MTMR7: variants seen among roughly 807,000 people sequenced by gnomAD.
The protein encoded by MTMR7 is phosphatidylinositol-3-phosphate phosphatase MTMR7.
In MTMR7, 76 loss-of-function variants were observed where a neutral mutation model predicts 81.2. The ratio of observed to expected loss-of-function variants is 0.94; its 90% CI spans 0.78 to 1.13. MTMR7 has a LOEUF of 1.13. Ranked by LOEUF, MTMR7 falls within the 50% of genes most tolerant of loss-of-function variation. The probability of loss-of-function intolerance (pLI) is 0.00; values close to 1 mark genes in which losing one functional copy is unlikely to be tolerated. For missense variants in MTMR7, 1,044 were observed against 820.0 expected, an observed-to-expected ratio of 1.27 and a Z score of -3.34; for synonymous variants, 372 against 289.8, an observed-to-expected ratio of 1.28 and a Z score of -2.88.
intron 7 of MTMR7, among the ~76,000 whole-genome samples, chr8:17,315,378 G>C (rs1186312694): frequency 2.7e-5 from 4 of 150,184 alleles, no homozygotes; most frequent in African/African-American, 4.9e-5. Flanking sequence ...AGAATGTTTA[G>C]GGCAGAAAAC....
At chr8:17,314,230 G>A (rs1204570041) in intron 7 of MTMR7, among the ~76,000 whole-genome samples, 1 of 152,148 alleles carries the variant, frequency 6.6e-6, no homozygotes, top group Non-Finnish European at 1.5e-5. Context: ...AAGCCCTATT[G>A]AGGAGTCTTA....
Position 17,355,042 on chromosome 8 carries a change from C to A in MTMR7, c.469-5961G>T, listed in dbSNP as rs551700426. 1.9e-4 allele frequency among the ~76,000 whole-genome samples: 29 copies of A among 152,206 alleles called. 2 individuals carry two copies. In the South Asian group the frequency reaches 6.0e-3, roughly 32 times the overall value. On this transcript the variant is annotated intron_variant, in intron 4 of 13. Coordinates refer to ENST00000180173, the MANE Select transcript of MTMR7 (RefSeq NM_004686.5). ...AACTCATGTTTTGCAGGCTGTGCAA[C>A]GTAGGACTTAAGTGACTATATATGA...
chr8:17,304,768 T>TGTGTGTGTGTGTGTGTGTGTGTGTGTGTG (rs1563315402), intron 11 of MTMR7, among the ~76,000 whole-genome samples: 11 of 147,516 alleles, frequency 7.5e-5, no homozygotes, highest in African/African-American at 2.7e-4. Flanking sequence ...TGTGTGTGTG[T>TGTGTGTGTGTGTGTGTGTGTGTGTGTGTG]TAAGCTGTTC....
intron 4 of MTMR7, among the ~76,000 whole-genome samples, chr8:17,353,331 T>C (rs1294463853): frequency 6.6e-6 from 1 of 152,186 alleles, no homozygotes. Flanking sequence ...GTATCAGTTC[T>C]GGAGTTGAAA....
chr8:17,370,109 G>A (rs1820368297), intron 3 of MTMR7, among the ~76,000 whole-genome samples: 3 of 150,606 alleles, frequency 2.0e-5, no homozygotes, highest in Admixed American at 6.6e-5. Context: ...AAATCCAAAT[G>A]TTCTTCCTAC....
intron 5 of MTMR7, 23 bp from the exon 6 acceptor site, chr8:17,341,520 C>T: frequency 6.2e-7 from 1 of 1,611,900 alleles, no homozygotes; most frequent in South Asian, 1.1e-5. Flanking sequence ...GTCACAGCAA[C>T]ACAGCACCAT....
At chr8:17,392,622 G>T (rs1050956486) in intron 1 of MTMR7, among the ~76,000 whole-genome samples, 3 of 152,212 alleles carry the variant, frequency 2.0e-5, no homozygotes, top group African/African-American at 7.2e-5. Context: ...CTTCCTGAGC[G>T]AAACTTGACA....
At chr8:17,367,724 T>A (rs1310198859) in intron 3 of MTMR7, among the ~76,000 whole-genome samples, 1 of 152,186 alleles carries the variant, frequency 6.6e-6, no homozygotes, top group Non-Finnish European at 1.5e-5. Context: ...TTGCCTGAAT[T>A]CAGCAGAATG....
intron 10 of MTMR7, 91 bp downstream of exon 10, chr8:17,309,186 A>G: frequency 1.1e-6 from 1 of 886,328 alleles, no homozygotes; most frequent in Admixed American, 2.4e-5. Flanking sequence ...AACTCAAAAA[A>G]CAAGACGATT....
intron 1 of MTMR7, among the ~76,000 whole-genome samples, chr8:17,400,483 A>G (rs1209236868): frequency 6.6e-6 from 1 of 152,198 alleles, no homozygotes; most frequent in Non-Finnish European, 1.5e-5. Flanking sequence ...TTAGGATCCC[A>G]GCGGCCTTAC....
chr8:17,410,507 A>C (rs1007837223), intron 1 of MTMR7, among the ~76,000 whole-genome samples: 2 of 152,184 alleles, frequency 1.3e-5, no homozygotes, highest in Non-Finnish European at 2.9e-5. Flanking sequence ...GTAGAAACCT[A>C]GAAGTTCACT....
At chr8:17,370,427 T>C (rs1341426246) in intron 3 of MTMR7, among the ~76,000 whole-genome samples, 1 of 151,214 alleles carries the variant, frequency 6.6e-6, no homozygotes, top group Non-Finnish European at 1.5e-5. Context: ...GGCTAAGGCA[T>C]GAGAATCGCT....
intron 10 of MTMR7, among the ~76,000 whole-genome samples, chr8:17,307,551 A>G (rs1225846427): frequency 2.6e-5 from 4 of 152,188 alleles, no homozygotes; most frequent in Non-Finnish European, 4.4e-5. Flanking sequence ...TACCCAAAGG[A>G]TTATAAATCA....
At chr8:17,357,859 T>A (rs1381382138) in intron 4 of MTMR7, among the ~76,000 whole-genome samples, 1 of 152,200 alleles carries the variant, frequency 6.6e-6, no homozygotes, top group Admixed American at 6.5e-5. Flanking sequence ...TTCTTCAAAG[T>A]CCTGTGTATG....
Position 17,313,467 on chromosome 8 carries a change from T to G in MTMR7, c.866-66A>C, listed in dbSNP as rs1183193208. 5 of 1,034,860 alleles carry G rather than the reference T, an allele frequency of 4.8e-6. No individual in the cohort carries two copies. In the African/African-American group the frequency reaches 7.9e-5, roughly 16 times the overall value. 64.1% of individuals were successfully genotyped at this position (1,034,860 alleles called of 1,614,324 possible). On this transcript the variant is annotated intron_variant, in intron 7 of 13. Transcript: ENST00000180173. ...TCTCTCATTTTACATATGATCATGT[T>G]TTATAGGTAGTTTGTTAATGATTCC...
chr8:17,390,562 T>C (rs993437334), intron 1 of MTMR7, among the ~76,000 whole-genome samples: 1 of 151,954 alleles, frequency 6.6e-6, no homozygotes, highest in African/African-American at 2.4e-5. Flanking sequence ...AGCAGTTGAG[T>C]GAGGAGGGCC....
At chr8:17,382,472 T>C (rs758024817) in intron 1 of MTMR7, among the ~76,000 whole-genome samples, 2 of 152,236 alleles carry the variant, frequency 1.3e-5, no homozygotes, top group Non-Finnish European at 2.9e-5. Context: ...TTAAGTATCA[T>C]TTGGATTTAA....
chr8:17,302,360 A>G (rs962486209), intron 12 of MTMR7, 80 bp from the exon 13 acceptor site: 14 of 1,426,494 alleles, frequency 9.8e-6, no homozygotes, highest in South Asian at 6.9e-5. Context: ...TAAGGTATCT[A>G]TGATACCACA....
At chr8:17,343,789 A>C (rs1548354) in intron 5 of MTMR7, among the ~76,000 whole-genome samples, 14,921 of 152,290 alleles carry the variant, frequency 0.098, 1,024 homozygotes, top group Non-Finnish European at 0.15. Flanking sequence ...GGAATTTTTC[A>C]TTGAATCAGT....
Sources: gnomAD v4.1 joint callset for allele counts (sites outside exome capture counted in the v4.1 genomes callset) on GRCh38, gnomAD v4.1.1 for gene constraint, MANE v1.5 for transcripts, NCBI Gene and HGNC (gene_info 2026-07-23, HGNC 2026-07-21) for gene names.